CNTNAP2: variants seen among roughly 807,000 people sequenced by gnomAD.
CNTNAP2 encodes contactin associated protein 2.
A neutral mutation model predicts 155.2 loss-of-function variants in CNTNAP2; 98 were observed. The ratio of observed to expected loss-of-function variants is 0.63; its 90% CI spans 0.54 to 0.75. The LOEUF is 0.75. CNTNAP2 is among the 30% of genes least tolerant of loss of function. CNTNAP2 has a pLI of 0.00. For synonymous variants in CNTNAP2, 651 were observed against 631.2 expected (o/e 1.03, Z -0.47); for missense variants, 1,727 against 1,688.1 (o/e 1.02, Z -0.40).
intron 11 of CNTNAP2, among the ~76,000 whole-genome samples, chr7:147,490,878 G>T (rs1288959492): frequency 1.3e-5 from 2 of 152,120 alleles, no homozygotes; most frequent in Non-Finnish European, 2.9e-5. Flanking sequence ...TCTTGACATG[G>T]TGGCAGGAGA....
At chr7:147,925,154 A>AGAGAGAAGGAAGGAAG (rs1554450375) in intron 14 of CNTNAP2, among the ~76,000 whole-genome samples, 1 of 63,342 alleles carries the variant, frequency 1.6e-5, no homozygotes, top group East Asian at 5.3e-4. Context: ...AGAGAGAGAG[A>AGAGAGAAGGAAGGAAG]GAAGGAAGGA....
At chr7:146,952,387 C>T (rs968087817) in intron 3 of CNTNAP2, among the ~76,000 whole-genome samples, 2 of 152,160 alleles carry the variant, frequency 1.3e-5, no homozygotes, top group African/African-American at 2.4e-5. Flanking sequence ...TATGCCCTCT[C>T]TCACCACTCC....
chr7:148,034,901 T>A (rs1175239967), intron 15 of CNTNAP2, among the ~76,000 whole-genome samples: 1 of 152,180 alleles, frequency 6.6e-6, no homozygotes, highest in East Asian at 1.9e-4. Context: ...CAGACAGAAA[T>A]GAGGAATAGC....
At chr7:147,096,759 G>A (rs759458058) in intron 4 of CNTNAP2, among the ~76,000 whole-genome samples, 2 of 152,144 alleles carry the variant, frequency 1.3e-5, no homozygotes, top group African/African-American at 4.8e-5. Context: ...TCTTCTTCAT[G>A]GCCCCAGTGA....
intron 13 of CNTNAP2, among the ~76,000 whole-genome samples, chr7:147,827,171 G>T (rs1340319863): frequency 6.6e-6 from 1 of 151,948 alleles, no homozygotes; most frequent in Non-Finnish European, 1.5e-5. Context: ...ACATTTTAAG[G>T]ACTGAAATCC....
intron 3 of CNTNAP2, among the ~76,000 whole-genome samples, chr7:146,849,647 G>A (rs943851720): frequency 5.9e-5 from 9 of 152,078 alleles, no homozygotes; most frequent in Admixed American, 5.2e-4. Context: ...TACCTTATGC[G>A]ATTTTTGTGA....
At chr7:147,529,394 G>A (rs1243672296) in intron 11 of CNTNAP2, among the ~76,000 whole-genome samples, 4 of 151,900 alleles carry the variant, frequency 2.6e-5, no homozygotes. Context: ...CTATATTATA[G>A]GCACTGTGCC....
intron 12 of CNTNAP2, among the ~76,000 whole-genome samples, chr7:147,584,956 G>A (rs150529575): frequency 6.6e-6 from 1 of 152,240 alleles, no homozygotes; most frequent in Non-Finnish European, 1.5e-5. Flanking sequence ...CAGGACAGAC[G>A]TTGATTGGCA....
intron 1 of CNTNAP2, among the ~76,000 whole-genome samples, chr7:146,494,352 TAA>T (rs1797183516): frequency 1.3e-5 from 2 of 148,396 alleles, no homozygotes; most frequent in African/African-American, 4.9e-5. Context: ...AATAAATAAA[TAA>T]AAATAAATAA....
intron 11 of CNTNAP2, among the ~76,000 whole-genome samples, chr7:147,518,962 CG>C (rs71183013): frequency 0.62 from 90,927 of 146,274 alleles, 29,579 homozygotes; most frequent in South Asian, 0.77. Flanking sequence ...ACCCGGGAGG[CG>C]GAGGTTGCAG....
At chr7:146,693,216 G>A (rs1490019594) in intron 1 of CNTNAP2, among the ~76,000 whole-genome samples, 1 of 151,964 alleles carries the variant, frequency 6.6e-6, no homozygotes, top group African/African-American at 2.4e-5. Context: ...TTAATAAAAT[G>A]GCTCTGCATA....
chr7:147,279,802 A>G (rs1165897649), intron 8 of CNTNAP2, among the ~76,000 whole-genome samples: 1 of 151,910 alleles, frequency 6.6e-6, no homozygotes, highest in Admixed American at 6.6e-5. Context: ...TGAAATAACT[A>G]TATGATTCCT....
chr7:147,009,734 G>A (rs1288763513), intron 3 of CNTNAP2, among the ~76,000 whole-genome samples: 1 of 152,042 alleles, frequency 6.6e-6, no homozygotes, highest in Non-Finnish European at 1.5e-5. Context: ...GCTTCAACTA[G>A]CAGCAAATTC....
At chr7:146,378,548 C>T (rs1795337207) in intron 1 of CNTNAP2, among the ~76,000 whole-genome samples, 1 of 152,098 alleles carries the variant, frequency 6.6e-6, no homozygotes, top group East Asian at 1.9e-4. Context: ...TATGTTAGAA[C>T]TGAGGAAATT....
At chr7:146,549,759 A>T (rs1798086756) in intron 1 of CNTNAP2, among the ~76,000 whole-genome samples, 1 of 152,088 alleles carries the variant, frequency 6.6e-6, no homozygotes, top group African/African-American at 2.4e-5. Flanking sequence ...ATTTCCCAAG[A>T]AAGAGTAAAA....
intron 1 of CNTNAP2, among the ~76,000 whole-genome samples, chr7:146,701,833 A>C (rs930665775): frequency 1.3e-5 from 2 of 152,198 alleles, no homozygotes; most frequent in Non-Finnish European, 2.9e-5. Context: ...TAAAAGAGAC[A>C]GTCTTTCATA....
At chr7:146,834,186 A>G (rs931032101) in intron 2 of CNTNAP2, among the ~76,000 whole-genome samples, 6 of 152,130 alleles carry the variant, frequency 3.9e-5, no homozygotes, top group Admixed American at 3.3e-4. Flanking sequence ...GGAGCCATTT[A>G]TCACTACAAC....
chr7:146,926,990 G>T (rs192605032), intron 3 of CNTNAP2, among the ~76,000 whole-genome samples: 1 of 152,110 alleles, frequency 6.6e-6, no homozygotes, highest in Non-Finnish European at 1.5e-5. Flanking sequence ...AGAAATCCTT[G>T]AGAGAAACTT....
intron 12 of CNTNAP2, among the ~76,000 whole-genome samples, chr7:147,562,748 CT>C (rs1417168834): frequency 1.3e-5 from 2 of 152,158 alleles, no homozygotes; most frequent in Admixed American, 6.5e-5. Context: ...TATATTTGGG[CT>C]TTTCTTCTTG....
Sources: gnomAD v4.1 joint callset for allele counts (sites outside exome capture counted in the v4.1 genomes callset) on GRCh38, gnomAD v4.1.1 for gene constraint, MANE v1.5 for transcripts, NCBI Gene and HGNC (gene_info 2026-07-23, HGNC 2026-07-21) for gene names.